Variants in DMD observed in about 807,000 individuals in gnomAD.
DMD encodes the protein mutant dystrophin.
DMD carries 63 observed loss-of-function variants against 330.1 expected under a neutral mutation model. The ratio of observed to expected loss-of-function variants is 0.19; its 90% CI spans 0.16 to 0.24. The LOEUF is 0.24. Ranked by LOEUF, DMD falls within the 10% of genes least tolerant of loss-of-function variation. The probability of loss-of-function intolerance (pLI) is 1.00; values close to 1 mark genes in which losing one functional copy is unlikely to be tolerated. For missense variants in DMD, 3,344 were observed against 2,684.1 expected (o/e 1.25, Z -5.43); for synonymous variants, 1,223 against 959.8 (o/e 1.27, Z -5.07).
chrX:32,044,584 G>C (rs766708380), intron 44 of DMD, among the ~76,000 whole-genome samples: 1 of 109,940 alleles, frequency 9.1e-6, no homozygotes, highest in Non-Finnish European at 1.9e-5. Flanking sequence ...ACCATGCCCA[G>C]CTAATTTTTT....
chrX:32,614,166 A>G, intron 12 of DMD, 137 bp downstream of exon 12: 2 of 655,667 alleles, frequency 3.1e-6, no homozygotes, highest in Non-Finnish European at 4.5e-6. Context: ...ACAATTAGGT[A>G]AAAATAATTT....
At chrX:32,827,659 CCTTT>C (rs1461009248) in intron 4 of DMD, among the ~76,000 whole-genome samples, 41 of 71,674 alleles carry the variant, frequency 5.7e-4, no homozygotes, top group South Asian at 2.9e-3. Flanking sequence ...TATTAACTCC[CCTTT>C]TTTTTTTTTT....
chrX:32,954,277 CA>C (rs2091439864), intron 2 of DMD, among the ~76,000 whole-genome samples: 2 of 111,886 alleles, frequency 1.8e-5, no homozygotes, highest in Non-Finnish European at 3.8e-5. Context: ...ACTTTGGATT[CA>C]AGGACCTCAG....
At chrX:32,839,991 G>A (rs12838376) in intron 4 of DMD, among the ~76,000 whole-genome samples, 44,994 of 110,861 alleles carry the variant, frequency 0.41, 6,949 homozygotes, top group East Asian at 0.56. Context: ...TTACAGGCAT[G>A]AGCCACCGCG....
chrX:32,399,415 T>C (rs781595176), intron 30 of DMD, among the ~76,000 whole-genome samples: 1 of 111,657 alleles, frequency 9.0e-6, no homozygotes, highest in Non-Finnish European at 1.9e-5. Flanking sequence ...TGATTAAAAA[T>C]GGGCAAAATA....
chrX:32,410,504 A>G lies in DMD; in HGVS notation c.4233+1248T>C, dbSNP rs761647469. 2.7e-5 allele frequency among the ~76,000 whole-genome samples: 3 copies of G among 111,892 alleles called. No individual in the cohort carries two copies. In the East Asian group the frequency reaches 8.5e-4, roughly 32 times the overall value. ...GATTCATTAACTGTAATTGCATTGT[A>G]ACCATGATCTACAAATCTAATATAT... On this transcript the variant is annotated intron_variant, in intron 30 of 78. Coordinates refer to ENST00000357033, the MANE Select transcript of DMD (RefSeq NM_004006.3).
intron 59 of DMD, among the ~76,000 whole-genome samples, chrX:31,454,750 A>C (rs1025858329): frequency 5.5e-5 from 6 of 109,334 alleles, no homozygotes; most frequent in Non-Finnish European, 1.1e-4. Context: ...TTATTTCTTT[A>C]TTTATTTTTA....
chrX:32,164,033 G>A (rs1044365490), intron 44 of DMD, among the ~76,000 whole-genome samples: 4 of 111,349 alleles, frequency 3.6e-5, no homozygotes, highest in African/African-American at 1.3e-4. Context: ...TGAGATTTCT[G>A]TTCAAATGTC....
intron 50 of DMD, among the ~76,000 whole-genome samples, chrX:31,814,822 GA>G (rs937508892): frequency 8.0e-5 from 9 of 111,992 alleles, no homozygotes; most frequent in Admixed American, 4.8e-4. Flanking sequence ...AAATGATTGT[GA>G]AAGTCTCTAG....
rs763028610 is a variant in DMD at position 31,121,426 on chromosome X, TTGTGTGTGTGTG to T, written c.*481_*492del. The stretch of plus-strand genomic sequence containing the variant: ...CAAAACAATGCGCTGCCTCAAAGTT[TTGTGTGTGTGTG>T]TGTATGTGTGTGTGTGTGTGTTTGT... On this transcript the variant is annotated 3_prime_UTR_variant, in exon 79 of 79. Coordinates refer to ENST00000357033, the MANE Select transcript of DMD (RefSeq NM_004006.3). 3 of 102,902 alleles carry T rather than the reference TTGTGTGTGTGTG, an allele frequency of 2.9e-5. No homozygotes were observed. The highest frequency in any genetic ancestry group is 4.5e-5 in the African/African-American group (1 of 22,071). The allele number at this position is 102,902 out of a possible 1,213,427, so 8.5% of individuals were successfully genotyped here. A position where few individuals can be genotyped will look rare whatever the true frequency, so the allele number is the denominator to read the frequency against.
chrX:32,904,315 T>A (rs771217417), intron 2 of DMD, among the ~76,000 whole-genome samples: 1 of 112,003 alleles, frequency 8.9e-6, no homozygotes, highest in African/African-American at 3.2e-5. Context: ...CTAAACTTCA[T>A]ACCCCTTTCA....
intron 1 of DMD, among the ~76,000 whole-genome samples, chrX:33,329,170 C>CA (rs1265762128): frequency 4.3e-4 from 48 of 110,867 alleles, no homozygotes; most frequent in African/African-American, 1.4e-3. Context: ...GCAATAAACA[C>CA]AAAAAATGGT....
At chrX:31,470,085 A>T (rs1403889674) in intron 59 of DMD, among the ~76,000 whole-genome samples, 1 of 110,158 alleles carries the variant, frequency 9.1e-6, no homozygotes, top group East Asian at 2.8e-4. Flanking sequence ...CTTTTTTTTA[A>T]GGTTCTTAGC....
intron 47 of DMD, among the ~76,000 whole-genome samples, chrX:31,902,280 G>T (rs761727349): frequency 9.0e-6 from 1 of 111,161 alleles, no homozygotes; most frequent in Non-Finnish European, 1.9e-5. Flanking sequence ...CATAACTCCC[G>T]CTCTCCAAAG....
chrX:32,506,878 A>G lies in DMD; in HGVS notation c.2293-5036T>C, dbSNP rs183601217. 8.2e-3 allele frequency among the ~76,000 whole-genome samples: 915 copies of G among 111,918 alleles called. 5 individuals carry two copies. The highest frequency in any genetic ancestry group is 0.028 in the African/African-American group (865 of 30,874). Reference sequence around the variant, plus strand: ...TGGTTCTAATTTGTTGGTTGAACTGAAAAGTCCATGAAAATAGAGTAGCTA... The same window carrying G: ...TGGTTCTAATTTGTTGGTTGAACTGGAAAGTCCATGAAAATAGAGTAGCTA... On this transcript the variant is annotated intron_variant, in intron 18 of 78. Transcript: ENST00000357033.
chrX:31,234,986 G>A (rs1475367859), intron 63 of DMD, among the ~76,000 whole-genome samples: 2 of 111,022 alleles, frequency 1.8e-5, no homozygotes, highest in East Asian at 2.8e-4. Flanking sequence ...CACAGGCCAG[G>A]GTGATCAGAC....
chrX:33,081,109 G>A (rs1357419369), intron 1 of DMD, among the ~76,000 whole-genome samples: 2 of 110,386 alleles, frequency 1.8e-5, no homozygotes, highest in Admixed American at 9.7e-5. Context: ...GCCTTTGGAG[G>A]AACAGGGCCA....
intron 41 of DMD, among the ~76,000 whole-genome samples, chrX:32,332,838 ATT>A (rs66969055): frequency 9.3e-6 from 1 of 107,082 alleles, no homozygotes; most frequent in African/African-American, 3.4e-5. Context: ...GCATGCGTAG[ATT>A]TTTTTTTTTC....
chrX:31,207,915 T>C (rs1237864845), intron 65 of DMD, among the ~76,000 whole-genome samples: 3 of 111,337 alleles, frequency 2.7e-5, no homozygotes, highest in Non-Finnish European at 5.7e-5. Flanking sequence ...GGTTAATACC[T>C]GAGTGATGAA....
Sources: allele counts gnomAD v4.1 joint callset (sites outside exome capture counted in the v4.1 genomes callset), GRCh38; gene constraint gnomAD v4.1.1; transcripts MANE v1.5; gene names NCBI Gene and HGNC (gene_info 2026-07-23, HGNC 2026-07-21).